Variants in GSG1L observed in about 807,000 individuals in gnomAD.
GSG1L encodes the protein GSG1 like, also known as germ cell-specific gene 1-like protein.
A neutral mutation model predicts 42.1 loss-of-function variants in GSG1L; 24 were observed. The ratio of observed to expected loss-of-function variants is 0.57; its 90% CI spans 0.41 to 0.80. GSG1L has a LOEUF of 0.80. Ranked by LOEUF, GSG1L falls within the 30% of genes least tolerant of loss-of-function variation. GSG1L has a pLI of 0.00. For missense variants in GSG1L, 445 were observed against 472.2 expected, an observed-to-expected ratio of 0.94 and a Z score of 0.53; for synonymous variants, 215 against 203.5, an observed-to-expected ratio of 1.06 and a Z score of -0.48.
chr16:28,019,950 T>A (rs1322985245), intron 1 of GSG1L, among the ~76,000 whole-genome samples: 1 of 152,226 alleles, frequency 6.6e-6, no homozygotes, highest in Non-Finnish European at 1.5e-5. Flanking sequence ...TTCATACCCT[T>A]GGCCACTTCC....
chr16:27,866,829 C>T (rs1567494492), intron 3 of GSG1L, among the ~76,000 whole-genome samples: 1 of 152,172 alleles, frequency 6.6e-6, no homozygotes, highest in Non-Finnish European at 1.5e-5. Flanking sequence ...GCCTCAGCCT[C>T]CCAAAGTGCT....
intron 4 of GSG1L, among the ~76,000 whole-genome samples, chr16:27,838,157 G>C (rs1393045128): frequency 6.6e-6 from 1 of 152,176 alleles, no homozygotes; most frequent in Non-Finnish European, 1.5e-5. Flanking sequence ...TGGGAGCCTC[G>C]TTCACTTCAC....
chr16:27,993,803 C>T (rs1274367154), intron 1 of GSG1L, among the ~76,000 whole-genome samples: 1 of 152,184 alleles, frequency 6.6e-6, no homozygotes, highest in Non-Finnish European at 1.5e-5. Flanking sequence ...AGATGACTTG[C>T]CCATACATGT....
chr16:27,796,733 G>C (rs1465013501), intron 6 of GSG1L, among the ~76,000 whole-genome samples: 2 of 152,176 alleles, frequency 1.3e-5, no homozygotes, highest in Non-Finnish European at 2.9e-5. Context: ...TCATCCTCAG[G>C]GATTCCACGT....
In GSG1L at chr16:28,059,146, C is replaced by G. The variant is rs948643008; in HGVS notation, c.349+3930G>C. On this transcript the variant is annotated intron_variant, in intron 1 of 6. Coordinates refer to ENST00000447459, the MANE Select transcript of GSG1L (RefSeq NM_001109763.2). This position sits in a 1 kb window ranked among gnomAD's most constrained non-coding sequence, Gnocchi z 4.4. Reference sequence around the variant, plus strand: ...TTGCATCTCCGGCGGGTGCTAGCTGCTCTGATCCCCACCTACACAGTAGCC... The same window carrying G: ...TTGCATCTCCGGCGGGTGCTAGCTGGTCTGATCCCCACCTACACAGTAGCC... Among the ~76,000 whole-genome samples the G allele has an allele frequency of 9.2e-5, 14 of 152,222 alleles. No homozygotes were observed. The highest frequency in any genetic ancestry group is 2.1e-4 in the Non-Finnish European group (14 of 68,030).
chr16:27,869,176 G>A (rs1567495658), intron 3 of GSG1L, among the ~76,000 whole-genome samples: 2 of 151,850 alleles, frequency 1.3e-5, no homozygotes, highest in African/African-American at 2.4e-5. Context: ...TGATCTTCTA[G>A]GACCTTCCTT....
At chr16:27,976,487 G>A (rs1334262350) in intron 1 of GSG1L, among the ~76,000 whole-genome samples, 2 of 152,126 alleles carry the variant, frequency 1.3e-5, no homozygotes, top group Non-Finnish European at 2.9e-5. Flanking sequence ...CACAAGAGCG[G>A]GGACCTACTC....
chr16:27,970,857 T>A (rs2085186600), intron 1 of GSG1L, among the ~76,000 whole-genome samples: 2 of 152,198 alleles, frequency 1.3e-5, no homozygotes, highest in African/African-American at 4.8e-5. Context: ...GGGTCCAGCT[T>A]TATTCTTTTG....
At chr16:27,929,581 A>C (rs1054255073) in intron 2 of GSG1L, among the ~76,000 whole-genome samples, 21 of 152,370 alleles carry the variant, frequency 1.4e-4, no homozygotes, top group African/African-American at 4.3e-4. Flanking sequence ...GAAAAGAGAC[A>C]GATTCCAGTG....
intron 1 of GSG1L, among the ~76,000 whole-genome samples, chr16:27,996,344 T>C (rs1429366828): frequency 3.3e-5 from 5 of 152,196 alleles, no homozygotes; most frequent in African/African-American, 1.2e-4. Context: ...ATTCCATTTC[T>C]TGGAACTCAT....
intron 2 of GSG1L, among the ~76,000 whole-genome samples, chr16:27,910,917 G>A (rs2084379759): frequency 6.6e-6 from 1 of 152,204 alleles, no homozygotes; most frequent in Admixed American, 6.5e-5. Context: ...GGAGGCTGAG[G>A]CAGGAGGATT....
chr16:27,861,349 C>G (rs2083648970), intron 3 of GSG1L, among the ~76,000 whole-genome samples: 1 of 151,672 alleles, frequency 6.6e-6, no homozygotes, highest in African/African-American at 2.4e-5. Flanking sequence ...TGCACTCTAG[C>G]CTGGGCAACA....
At position 27,884,367 on chromosome 16, in the gene GSG1L, C is replaced by A. The variant is rs2084001065; in HGVS notation, c.550+119G>T. On this transcript the variant is annotated intron_variant, in intron 3 of 6. Transcript: ENST00000447459. This position sits in a 1 kb window ranked among gnomAD's most constrained non-coding sequence, Gnocchi z 4.4. ...TTTTTTACAAACGATAAAACTGAGG[C>A]TCACAGAAGAGAAGCAATTTGTCCA... 1.1e-6 allele frequency: 1 copy of A among 899,934 alleles called. No individual in the cohort carries two copies. Among genetic ancestry groups the A allele is most frequent in the Non-Finnish European group, 1.6e-6 (1 of 609,174 alleles). The allele number at this position is 899,934 out of a possible 1,614,324, so 55.7% of individuals were successfully genotyped here.
In GSG1L at chr16:27,946,979, A is replaced by G. The variant is rs1322271254; in HGVS notation, c.397+16177T>C. ...GGACGCTGTTATCCCTATTTTACAG[A>G]TGAAGACATGAAGTCACTAAAAGGA... is the stretch of plus-strand genomic sequence containing the variant. On this transcript the variant is annotated intron_variant, in intron 2 of 6. Coordinates refer to ENST00000447459, the MANE Select transcript of GSG1L (RefSeq NM_001109763.2). Among the ~76,000 whole-genome samples the G allele has an allele frequency of 2.0e-5, 3 of 152,192 alleles. No homozygotes were observed. In the East Asian group the frequency reaches 5.8e-4, roughly 29 times the overall value.
chr16:27,878,808 C>A (rs1018953114), intron 3 of GSG1L, among the ~76,000 whole-genome samples: 11 of 152,198 alleles, frequency 7.2e-5, no homozygotes, highest in Non-Finnish European at 1.5e-4. Context: ...GGGACCACTG[C>A]CTTGGGGGCT....
At chr16:28,003,307 C>T (rs549729071) in intron 1 of GSG1L, among the ~76,000 whole-genome samples, 1 of 152,244 alleles carries the variant, frequency 6.6e-6, no homozygotes, top group Non-Finnish European at 1.5e-5. Context: ...GAAGGATACA[C>T]GGGCATCTCG....
chr16:27,967,701 C>T (rs2085150331), intron 1 of GSG1L, among the ~76,000 whole-genome samples: 1 of 152,130 alleles, frequency 6.6e-6, no homozygotes, highest in Non-Finnish European at 1.5e-5. Flanking sequence ...TCACTTGAGC[C>T]CAGGAGTTCG....
intron 1 of GSG1L, among the ~76,000 whole-genome samples, chr16:28,011,058 GA>G (rs1290748989): frequency 6.6e-6 from 1 of 152,196 alleles, no homozygotes; most frequent in Non-Finnish European, 1.5e-5. Flanking sequence ...CCAGGAGAAT[GA>G]AAGGCAGCCC....
intron 2 of GSG1L, among the ~76,000 whole-genome samples, chr16:27,921,543 C>T (rs965855621): frequency 1.3e-5 from 2 of 152,218 alleles, no homozygotes; most frequent in African/African-American, 4.8e-5. Flanking sequence ...ACATGAATTT[C>T]CCACCATTCC....
Sources: allele counts gnomAD v4.1 joint callset (sites outside exome capture counted in the v4.1 genomes callset), GRCh38; gene constraint gnomAD v4.1.1; non-coding constraint Gnocchi (gnomAD v3.1); transcripts MANE v1.5; gene names NCBI Gene and HGNC (gene_info 2026-07-23, HGNC 2026-07-21).